Variants in CHL1 observed in about 807,000 individuals in gnomAD.
CHL1 encodes the protein neural cell adhesion molecule L1-like protein.
A neutral mutation model predicts 141.9 loss-of-function variants in CHL1; 96 were observed. That is an observed-to-expected ratio of 0.68 (90% CI 0.57 to 0.80). The LOEUF (loss-of-function observed/expected upper bound fraction) is 0.80. Among genes scored for constraint, CHL1 ranks in the 30% least tolerant of loss-of-function variants. The pLI is 0.00. For synonymous variants in CHL1, 613 were observed against 502.2 expected, an observed-to-expected ratio of 1.22 and a Z score of -2.95; for missense variants, 1,820 against 1,457.2, an observed-to-expected ratio of 1.25 and a Z score of -4.05.
At chr3:232,045 G>C (rs1048054639) in intron 1 of CHL1, among the ~76,000 whole-genome samples, 5 of 152,116 alleles carry the variant, frequency 3.3e-5, no homozygotes, top group African/African-American at 1.2e-4. Context: ...GTACTTATCA[G>C]TATTTGGCAG....
intron 1 of CHL1, among the ~76,000 whole-genome samples, chr3:218,234 G>A (rs1380493627): frequency 2.0e-5 from 3 of 152,178 alleles, no homozygotes; most frequent in Non-Finnish European, 4.4e-5. Context: ...ATGAGGGTGT[G>A]CTCTTGCAGA....
chr3:352,999 C>T (rs1249395639), intron 10 of CHL1, among the ~76,000 whole-genome samples: 1 of 152,302 alleles, frequency 6.6e-6, no homozygotes, highest in East Asian at 1.9e-4. Context: ...ATGGCGAGAA[C>T]AGGAACTGGA....
intron 2 of CHL1, among the ~76,000 whole-genome samples, chr3:252,171 A>G (rs1693744729): frequency 6.6e-6 from 1 of 151,668 alleles, no homozygotes; most frequent in African/African-American, 2.4e-5. Flanking sequence ...TAGAAAAGGG[A>G]AAACTATTTT....
At chr3:233,608 T>C (rs1099354) in intron 1 of CHL1, among the ~76,000 whole-genome samples, 145,333 of 152,162 alleles carry the variant, frequency 0.96, 69,510 homozygotes, top group East Asian at 1. Flanking sequence ...TTTTTCTTTC[T>C]AATGTTATTT....
chr3:398,885 T>G (rs916516121), intron 25 of CHL1, 132 bp from the exon 26 acceptor site: 4 of 693,600 alleles, frequency 5.8e-6, no homozygotes, highest in Non-Finnish European at 9.6e-6. Context: ...TCAAATTGCA[T>G]TCCTTCTGGG....
chr3:259,243 G>C (rs544828855), intron 2 of CHL1, among the ~76,000 whole-genome samples: 1 of 152,140 alleles, frequency 6.6e-6, no homozygotes, highest in East Asian at 1.9e-4. Context: ...TCTAATAAAA[G>C]TATGTGTATC....
intron 6 of CHL1, among the ~76,000 whole-genome samples, chr3:341,611 A>G (rs1702352930): frequency 6.6e-6 from 1 of 152,184 alleles, no homozygotes; most frequent in Admixed American, 6.5e-5. Flanking sequence ...AGTTCAGCCA[A>G]TTCAGATTCA....
At chr3:238,153 T>A (rs73090644) in intron 1 of CHL1, among the ~76,000 whole-genome samples, 212 of 152,306 alleles carry the variant, frequency 1.4e-3, no homozygotes, top group African/African-American at 4.9e-3. Flanking sequence ...TTTTAAAAGA[T>A]ACAGTCATTC....
Position 366,114 on chromosome 3 carries a change from A to T in CHL1, c.1750A>T (p.Arg584Trp), listed in dbSNP as rs1000463147. 26 of 1,612,896 alleles carry T rather than the reference A, an allele frequency of 1.6e-5. No individual in the cohort carries two copies. Among genetic ancestry groups the T allele is most frequent in the Non-Finnish European group, 2.2e-5 (26 of 1,179,328 alleles). The change falls in exon 15 of 28, where the codon AGG becomes TGG. Residue 584 changes from arginine to tryptophan, a missense_variant and splice_region_variant. By Grantham distance (101) the Arg-to-Trp change is moderately radical. Coordinates refer to ENST00000256509, the MANE Select transcript of CHL1 (RefSeq NM_006614.4). Reference sequence around the variant, plus strand: ...TGAAATTAATGGCACAGAAGATGGCAGGTAGGTAAACTATTATGATATGTC... The same window carrying T: ...TGAAATTAATGGCACAGAAGATGGCTGGTAGGTAAACTATTATGATATGTC... ...AFEINGTEDG[R>W]IIIDGANLTI...
chr3:318,754 T>C (rs1700325183), intron 2 of CHL1, among the ~76,000 whole-genome samples: 1 of 151,492 alleles, frequency 6.6e-6, no homozygotes. Flanking sequence ...TTGCTGGAAC[T>C]ATCCATCTTC....
intron 2 of CHL1, among the ~76,000 whole-genome samples, chr3:303,335 G>C (rs190232470): frequency 5.2e-4 from 79 of 152,270 alleles, no homozygotes; most frequent in African/African-American, 1.8e-3. Flanking sequence ...ATTTTGAGCA[G>C]TATGGCCATT....
chr3:396,783 G>A (rs1186445314), intron 24 of CHL1, among the ~76,000 whole-genome samples: 1 of 151,988 alleles, frequency 6.6e-6, no homozygotes, highest in Non-Finnish European at 1.5e-5. Flanking sequence ...TATTCTATAG[G>A]CATGTCTTGC....
rs114494071 is a variant in CHL1, at chr3:212,875, A to G, written c.-175+15812A>G. On this transcript the variant is annotated intron_variant, in intron 1 of 27. Transcript: ENST00000256509. ...GAGAAGACATTCCCCTAAACTCACC[A>G]TCTTCAATACTTGTGTCATATCTTT... Among the ~76,000 whole-genome samples the G allele has an allele frequency of 6.2e-3, 937 of 152,316 alleles. 11 individuals are homozygous for G. The highest frequency in any genetic ancestry group is 0.022 in the African/African-American group (894 of 41,564).
chr3:265,672 A>G (rs755038503), intron 2 of CHL1, among the ~76,000 whole-genome samples: 3 of 152,134 alleles, frequency 2.0e-5, no homozygotes, highest in South Asian at 4.1e-4. Flanking sequence ...TTCAAAACCT[A>G]TGGGTGGGAG....
chr3:376,049 G>C (rs1706275120), intron 15 of CHL1, among the ~76,000 whole-genome samples: 1 of 152,186 alleles, frequency 6.6e-6, no homozygotes, highest in Non-Finnish European at 1.5e-5. Flanking sequence ...GGCAAACAGA[G>C]GAAAAGATTG....
rs145323816 is a variant in CHL1, at chr3:377,712, C to G, written c.1752-106C>G. The G allele has an allele frequency of 5.0e-4, 479 of 950,160 alleles. 1 individual carries two copies. In the African/African-American group the frequency reaches 7.4e-3, roughly 15 times the overall value. The allele number at this position is 950,160 out of a possible 1,614,324, so 58.9% of individuals were successfully genotyped here. On this transcript the variant is annotated intron_variant, in intron 15 of 27. Coordinates refer to ENST00000256509, the MANE Select transcript of CHL1 (RefSeq NM_006614.4). ...ATTTGCATTGCATAAAGTCATCTTT[C>G]ACTCTTAGATTGTTTTCGATAAGGA...
intron 5 of CHL1, among the ~76,000 whole-genome samples, chr3:329,943 G>C (rs1701308997): frequency 6.6e-6 from 1 of 151,998 alleles, no homozygotes; most frequent in Admixed American, 6.6e-5. Context: ...ATAATAATGA[G>C]ATATTAACAT....
intron 20 of CHL1, 31 bp downstream of exon 20, chr3:389,505 G>T (rs369471414): frequency 6.7e-7 from 1 of 1,502,036 alleles, no homozygotes; most frequent in South Asian, 1.1e-5. Flanking sequence ...TGCTAAGCAC[G>T]TCAGTAACTG....
intron 2 of CHL1, among the ~76,000 whole-genome samples, chr3:245,755 G>C (rs573933476): frequency 6.6e-6 from 1 of 152,046 alleles, no homozygotes; most frequent in South Asian, 2.1e-4. Context: ...GTTACTGTTA[G>C]CATACCTGGT....
Sources: gnomAD v4.1 joint callset for allele counts (sites outside exome capture counted in the v4.1 genomes callset) on GRCh38, gnomAD v4.1.1 for gene constraint, MANE v1.5 for transcripts, NCBI Gene and HGNC (gene_info 2026-07-23, HGNC 2026-07-21) for gene names.